The following THSD4 variants were observed in gnomAD, a reference collection of about 807,000 sequenced individuals.
THSD4 encodes the protein thrombospondin type-1 domain-containing protein 4.
THSD4 carries 69 observed loss-of-function variants against 119.0 expected under a neutral mutation model. The ratio of observed to expected loss-of-function variants is 0.58; its 90% CI spans 0.48 to 0.71. The LOEUF is 0.71. THSD4 is among the 30% of genes least tolerant of loss of function. The pLI is 0.00. For missense variants in THSD4, 1,393 were observed against 1,391.1 expected, an observed-to-expected ratio of 1.00 and a Z score of -0.02; for synonymous variants, 524 against 540.4, an observed-to-expected ratio of 0.97 and a Z score of 0.42.
chr15:71,099,952 C>G (rs1428875135), intron 1 of THSD4, among the ~76,000 whole-genome samples: 3 of 152,086 alleles, frequency 2.0e-5, no homozygotes, highest in Non-Finnish European at 4.4e-5. Flanking sequence ...TGACAGTTTT[C>G]TTTGTTTGTT....
At position 71,306,536 on chromosome 15, in the gene THSD4, T is replaced by C. The variant is rs1438751237; in HGVS notation, c.1015+49821T>C. ...ATTAAGGTAAACAAAGCAGCACCAA[T>C]GAAAAAAGGGTTTGGAAAGGAAGCA... is the stretch of plus-strand genomic sequence containing the variant. On this transcript the variant is annotated intron_variant, in intron 6 of 17. Transcript: ENST00000261862. Among the ~76,000 whole-genome samples, 5 of 151,974 alleles carry C rather than the reference T, an allele frequency of 3.3e-5. No individual in the cohort carries two copies. The South Asian group carries it at 1.0e-3, about 31-fold the overall frequency.
intron 4 of THSD4, among the ~76,000 whole-genome samples, chr15:71,231,487 TCTTGA>T (rs1393908519): frequency 6.6e-6 from 1 of 152,186 alleles, no homozygotes; most frequent in Non-Finnish European, 1.5e-5. Flanking sequence ...GTGGCTTGCC[TCTTGA>T]CTTCTGGAAG....
intron 1 of THSD4, among the ~76,000 whole-genome samples, chr15:71,133,929 A>T (rs1315272547): frequency 2.0e-5 from 3 of 152,216 alleles, no homozygotes; most frequent in African/African-American, 7.2e-5. Flanking sequence ...TCTCCAGGTG[A>T]GGACGGAGAA....
intron 6 of THSD4, among the ~76,000 whole-genome samples, chr15:71,360,256 A>G (rs1471368777): frequency 6.6e-6 from 1 of 152,136 alleles, no homozygotes; most frequent in Non-Finnish European, 1.5e-5. Flanking sequence ...ATGGCAGCCA[A>G]CTTTCCCCAG....
chr15:71,343,556 CCTTGA>C (rs1388734321), intron 6 of THSD4, among the ~76,000 whole-genome samples: 1 of 152,096 alleles, frequency 6.6e-6, no homozygotes, highest in Non-Finnish European at 1.5e-5. Context: ...CACTGGCCTT[CCTTGA>C]CTTTTAGGCA....
At chr15:71,611,211 C>T (rs2050218258) in intron 7 of THSD4, among the ~76,000 whole-genome samples, 1 of 152,196 alleles carries the variant, frequency 6.6e-6, no homozygotes, top group African/African-American at 2.4e-5. Context: ...CAGCCAGTTT[C>T]AGCGCATGGA....
intron 8 of THSD4, among the ~76,000 whole-genome samples, chr15:71,672,491 C>A: frequency 6.6e-6 from 1 of 152,178 alleles, no homozygotes; most frequent in South Asian, 2.1e-4. Context: ...CTTTCTCTGG[C>A]CTGATTGCCC....
intron 6 of THSD4, among the ~76,000 whole-genome samples, chr15:71,295,451 T>C (rs1326602298): frequency 1.3e-5 from 2 of 152,178 alleles, no homozygotes; most frequent in East Asian, 3.9e-4. Context: ...GACTGACTCA[T>C]TGAGATTGGC....
chr15:71,370,845 T>C (rs886565984), intron 6 of THSD4, among the ~76,000 whole-genome samples: 15 of 152,116 alleles, frequency 9.9e-5, no homozygotes, highest in Non-Finnish European at 2.2e-4. Context: ...TTGTTAACTT[T>C]GTCTCGTCGA....
chr15:71,701,151 A>G (rs1409278751), intron 8 of THSD4, among the ~76,000 whole-genome samples: 1 of 152,188 alleles, frequency 6.6e-6, no homozygotes, highest in Non-Finnish European at 1.5e-5. Context: ...ATATTTTTTA[A>G]AGCTCCTGAA....
intron 8 of THSD4, among the ~76,000 whole-genome samples, chr15:71,720,256 G>T (rs2052697779): frequency 6.6e-6 from 1 of 151,640 alleles, no homozygotes; most frequent in Admixed American, 6.6e-5. Context: ...TCCCTATGTT[G>T]CCCAGGCTGG....
chr15:71,235,584 T>TC (rs59735483), intron 4 of THSD4, among the ~76,000 whole-genome samples: 26,002 of 99,852 alleles, frequency 0.26, 2,247 homozygotes, highest in Admixed American at 0.31. Flanking sequence ...CACCTCTCTC[T>TC]TTTTTTTTTT....
chr15:71,764,871 T>G, intron 15 of THSD4, 149 bp from the exon 16 acceptor site: 2 of 1,011,258 alleles, frequency 2.0e-6, no homozygotes, highest in Non-Finnish European at 2.8e-6. Flanking sequence ...CCATTTCTCC[T>G]CCAGAAACAT....
chr15:71,675,123 T>C (rs989177457), intron 8 of THSD4, among the ~76,000 whole-genome samples: 1 of 152,190 alleles, frequency 6.6e-6, no homozygotes, highest in African/African-American at 2.4e-5. Context: ...TTCTTGGTAG[T>C]GGGCCCCTAG....
At chr15:71,120,849 C>G (rs887370602) in intron 1 of THSD4, among the ~76,000 whole-genome samples, 27 of 152,214 alleles carry the variant, frequency 1.8e-4, no homozygotes, top group South Asian at 6.2e-4. Flanking sequence ...GGGGAATTAT[C>G]TGCAGGCATC....
chr15:71,615,299 A>G (rs1192159433), intron 7 of THSD4, among the ~76,000 whole-genome samples: 2 of 152,226 alleles, frequency 1.3e-5, no homozygotes, highest in East Asian at 3.9e-4. Context: ...CTCCAAAGGA[A>G]AATATGGTTC....
rs1567150659 is a variant in THSD4 at position 71,780,259 on chromosome 15, T to C, written c.*2885T>C. On this transcript the variant is annotated 3_prime_UTR_variant, in exon 18 of 18. Transcript: ENST00000261862. ...TATTTACATTTTGATACGGTTTTTT[T>C]CTTGGCCTGTGTACGGGATTGCCTC... 3.3e-5 allele frequency: 5 copies of C among 153,330 alleles called. No individual in the cohort carries two copies. Among genetic ancestry groups the C allele is most frequent in the Admixed American group, 1.3e-4 (2 of 15,460 alleles). The allele number at this position is 153,330 out of a possible 1,614,324, so 9.5% of individuals were successfully genotyped here. A position where few individuals can be genotyped will look rare whatever the true frequency, so the allele number is the denominator to read the frequency against.
chr15:71,491,609 C>T (rs919389539), intron 7 of THSD4, among the ~76,000 whole-genome samples: 4 of 152,264 alleles, frequency 2.6e-5, no homozygotes, highest in African/African-American at 7.2e-5. Context: ...TGGTGGCTCA[C>T]GCCTGTAATC....
intron 3 of THSD4, among the ~76,000 whole-genome samples, chr15:71,199,755 GTGAT>G (rs2043770913): frequency 6.9e-6 from 1 of 144,894 alleles, no homozygotes; most frequent in African/African-American, 2.7e-5. Flanking sequence ...GTGGGTGTGT[GTGAT>G]GTGTGTGGTG....
Sources: gnomAD v4.1 joint callset for allele counts (sites outside exome capture counted in the v4.1 genomes callset) on GRCh38, gnomAD v4.1.1 for gene constraint, MANE v1.5 for transcripts, NCBI Gene and HGNC (gene_info 2026-07-23, HGNC 2026-07-21) for gene names.